PCDH15: variants seen among roughly 807,000 people sequenced by gnomAD.
The protein encoded by PCDH15 is protocadherin related 15, also known as protocadherin-15.
A neutral mutation model predicts 178.5 loss-of-function variants in PCDH15; 129 were observed. The observed-to-expected ratio is 0.72, with a 90% CI of 0.63 to 0.84. The LOEUF is 0.84. Ranked by LOEUF, PCDH15 falls within the 40% of genes least tolerant of loss-of-function variation. PCDH15 has a pLI of 0.00. For synonymous variants in PCDH15, 800 were observed against 732.0 expected (o/e 1.09, Z -1.50); for missense variants, 2,230 against 2,099.9 (o/e 1.06, Z -1.21).
rs528084632 is a variant in PCDH15, at chr10:53,808,248, G to A, written c.4672-1118C>T. Reference sequence around the variant, plus strand: ...AACGTACATATATGCAAAAGTAGACGACTGTTAAAGATATAATTTGTTGAA... The same window carrying A: ...AACGTACATATATGCAAAAGTAGACAACTGTTAAAGATATAATTTGTTGAA... On this transcript the variant is annotated intron_variant, in intron 37 of 37. Transcript: ENST00000644397. The A allele has an allele frequency of 7.3e-5, 17 of 232,486 alleles. No individual in the cohort carries two copies. In the East Asian group the frequency reaches 1.5e-3, roughly 20 times the overall value. The allele number at this position is 232,486 out of a possible 1,614,324, so 14.4% of individuals were successfully genotyped here.
intron 2 of PCDH15, among the ~76,000 whole-genome samples, chr10:55,455,191 C>T (rs1565156859): frequency 6.6e-6 from 1 of 152,088 alleles, no homozygotes; most frequent in Non-Finnish European, 1.5e-5. Context: ...TTTCAATACT[C>T]ATCTGTAAAA....
intron 2 of PCDH15, among the ~76,000 whole-genome samples, chr10:55,593,646 A>AGTAT (rs1315723402): frequency 1.3e-5 from 2 of 151,714 alleles, no homozygotes; most frequent in African/African-American, 4.8e-5. Context: ...CTTTTTTTTT[A>AGTAT]ACAGTATAGA....
chr10:55,228,503 G>T (rs1485826779), intron 1 of PCDH15, among the ~76,000 whole-genome samples: 1 of 151,836 alleles, frequency 6.6e-6, no homozygotes, highest in Non-Finnish European at 1.5e-5. Context: ...TAAAACCAAA[G>T]CCTTTCTCTT....
rs554683670 is a variant in PCDH15 at position 55,450,958 on chromosome 10, T to TAC, written c.-156+176666_-156+176667insGT. On this transcript the variant is annotated intron_variant, in intron 2 of 5. Transcript: ENST00000613346. ...TACATGGAAGAAGGGGTAAGAACTA[T>TAC]ATATATATATATATATATATATATA... is the stretch of plus-strand genomic sequence containing the variant. Among the ~76,000 whole-genome samples, 127 of 58,302 alleles carry TAC rather than the reference T, an allele frequency of 2.2e-3. 1 individual carries two copies. Among genetic ancestry groups the TAC allele is most frequent in the African/African-American group, 7.4e-3 (124 of 16,852 alleles). 38.2% of individuals were successfully genotyped at this position (58,302 alleles called of 152,430 possible). A position where few individuals can be genotyped will look rare whatever the true frequency, so the allele number is the denominator to read the frequency against.
At chr10:54,694,957 G>T (rs1382990784) in intron 1 of PCDH15, among the ~76,000 whole-genome samples, 1 of 151,836 alleles carries the variant, frequency 6.6e-6, no homozygotes, top group Non-Finnish European at 1.5e-5. Context: ...CAGCCAACTT[G>T]TGAATGCAAA....
intron 18 of PCDH15, among the ~76,000 whole-genome samples, chr10:54,052,934 G>A (rs539953967): frequency 4.4e-4 from 67 of 152,154 alleles, no homozygotes; most frequent in African/African-American, 1.6e-3. Context: ...TCCCCGCTTC[G>A]CTCTGAACCT....
At chr10:55,553,222 A>C (rs1589133821) in intron 2 of PCDH15, among the ~76,000 whole-genome samples, 3 of 151,498 alleles carry the variant, frequency 2.0e-5, no homozygotes, top group Admixed American at 1.3e-4. Flanking sequence ...AAAAAAAAAA[A>C]CATGAAATCC....
intron 2 of PCDH15, among the ~76,000 whole-genome samples, chr10:55,388,417 C>T (rs1412997826): frequency 6.6e-6 from 1 of 152,000 alleles, no homozygotes; most frequent in Non-Finnish European, 1.5e-5. Context: ...TGCCACTGTA[C>T]TTTCCTATCC....
At chr10:54,422,054 CAATA>C (rs946645145) in intron 3 of PCDH15, among the ~76,000 whole-genome samples, 1 of 150,286 alleles carries the variant, frequency 6.7e-6, no homozygotes, top group East Asian at 2.0e-4. Context: ...ATGCATACAG[CAATA>C]AATAAATAAA....
intron 8 of PCDH15, among the ~76,000 whole-genome samples, chr10:54,289,752 A>AC (rs1184885466): frequency 6.6e-6 from 1 of 152,336 alleles, no homozygotes; most frequent in East Asian, 1.9e-4. Context: ...TGATGCATAC[A>AC]CAAGCTTCAA....
chr10:55,622,488 T>C (rs1231490867), intron 2 of PCDH15, among the ~76,000 whole-genome samples: 1 of 152,060 alleles, frequency 6.6e-6, no homozygotes, highest in Non-Finnish European at 1.5e-5. Flanking sequence ...GATTTGTTCA[T>C]CTTCAAAACA....
intron 25 of PCDH15, among the ~76,000 whole-genome samples, chr10:53,925,525 A>G (rs980075688): frequency 6.6e-6 from 1 of 152,272 alleles, no homozygotes; most frequent in East Asian, 1.9e-4. Context: ...AGAACCCACC[A>G]ATTCCAGACA....
chr10:55,327,722 A>G (rs1312335905), intron 2 of PCDH15, among the ~76,000 whole-genome samples: 1 of 152,102 alleles, frequency 6.6e-6, no homozygotes, highest in Non-Finnish European at 1.5e-5. Context: ...ATTGCATAAA[A>G]GTTTTGAATT....
At chr10:54,680,265 C>T (rs577606953) in intron 1 of PCDH15, among the ~76,000 whole-genome samples, 28 of 151,980 alleles carry the variant, frequency 1.8e-4, no homozygotes, top group African/African-American at 5.8e-4. Flanking sequence ...GGACAGTGTT[C>T]GAGGTTACTT....
At chr10:55,568,966 T>C (rs1408294949) in intron 2 of PCDH15, among the ~76,000 whole-genome samples, 2 of 152,014 alleles carry the variant, frequency 1.3e-5, no homozygotes, top group Non-Finnish European at 1.5e-5. Context: ...GAGGGAATGG[T>C]GGAGAGAGTG....
chr10:53,977,390 G>A (rs1190843831), intron 21 of PCDH15, among the ~76,000 whole-genome samples: 2 of 152,178 alleles, frequency 1.3e-5, no homozygotes, highest in Non-Finnish European at 1.5e-5. Context: ...GGGCTGCACT[G>A]AAAGCTCTCC....
At chr10:54,083,014 A>G (rs561327461) in intron 16 of PCDH15, among the ~76,000 whole-genome samples, 43 of 152,250 alleles carry the variant, frequency 2.8e-4, no homozygotes, top group African/African-American at 9.6e-4. Flanking sequence ...AAAATATGTC[A>G]TTAGTCATCA....
intron 1 of PCDH15, among the ~76,000 whole-genome samples, chr10:54,790,502 A>G (rs1419733426): frequency 6.6e-6 from 1 of 151,696 alleles, no homozygotes; most frequent in Non-Finnish European, 1.5e-5. Flanking sequence ...GCCACATCCC[A>G]TCCTATCTTG....
In PCDH15 at chr10:53,843,976, A is replaced by T. The variant is rs1454347622; in HGVS notation, c.3807-3480T>A. ...AAGACAAGTAACAGATCATGGATTG[A>T]TAAAATTGGTAAAAGTGTTCAGAAT... On this transcript the variant is annotated intron_variant, in intron 28 of 37. Transcript: ENST00000644397. 3.3e-5 allele frequency among the ~76,000 whole-genome samples: 5 copies of T among 152,266 alleles called. No individual in the cohort carries two copies. The East Asian group carries it at 5.8e-4, about 18-fold the overall frequency.
Sources: gnomAD v4.1 joint callset for allele counts (sites outside exome capture counted in the v4.1 genomes callset) on GRCh38, gnomAD v4.1.1 for gene constraint, MANE v1.5 for transcripts, NCBI Gene and HGNC (gene_info 2026-07-23, HGNC 2026-07-21) for gene names.